SNX30: variants seen among roughly 807,000 people sequenced by gnomAD.
The protein encoded by SNX30 is sorting nexin-30.
Under a neutral mutation model 46.4 loss-of-function variants are expected in SNX30, and 24 were observed. That is an observed-to-expected ratio of 0.52 (90% CI 0.37 to 0.73). SNX30 has a LOEUF of 0.73. SNX30 is among the 30% of genes least tolerant of loss of function. The pLI is 0.00. For synonymous variants in SNX30, 189 were observed against 211.5 expected (o/e 0.89, Z 0.92); for missense variants, 533 against 555.7 (o/e 0.96, Z 0.41).
chr9:112,811,792 G>T (rs1201181398), intron 2 of SNX30, among the ~76,000 whole-genome samples: 1 of 152,160 alleles, frequency 6.6e-6, no homozygotes, highest in Admixed American at 6.6e-5. Context: ...TGTAGTGGTT[G>T]TCTCTGATTA....
chr9:112,751,716 A>G (rs1839280726), intron 1 of SNX30, among the ~76,000 whole-genome samples: 1 of 152,012 alleles, frequency 6.6e-6, no homozygotes, highest in Non-Finnish European at 1.5e-5. Flanking sequence ...GCGGGAGGAG[A>G]GCCTCGTTGT....
intron 3 of SNX30, among the ~76,000 whole-genome samples, chr9:112,821,260 C>T (rs920636625): frequency 3.9e-5 from 6 of 152,020 alleles, no homozygotes; most frequent in African/African-American, 1.5e-4. Context: ...TTTGTATTTC[C>T]CTAATGATGT....
intron 1 of SNX30, among the ~76,000 whole-genome samples, chr9:112,775,515 C>T (rs993142472): frequency 2.1e-5 from 3 of 143,650 alleles, no homozygotes; most frequent in African/African-American, 7.8e-5. Flanking sequence ...TTCTCCCATT[C>T]TGTGGCTTGT....
chr9:112,773,079 G>A (rs1839678070), intron 1 of SNX30, among the ~76,000 whole-genome samples: 1 of 152,326 alleles, frequency 6.6e-6, no homozygotes, highest in East Asian at 1.9e-4. Context: ...ACTGTGTAAA[G>A]AAGTTGAGAA....
intron 3 of SNX30, among the ~76,000 whole-genome samples, chr9:112,818,631 C>T (rs537357414): frequency 2.7e-4 from 41 of 152,298 alleles, no homozygotes; most frequent in African/African-American, 8.2e-4. Flanking sequence ...GGCTTTAGAG[C>T]AGTTTGAGTC....
chr9:112,794,979 T>C (rs533504850), intron 1 of SNX30, among the ~76,000 whole-genome samples: 42 of 152,330 alleles, frequency 2.8e-4, no homozygotes, highest in African/African-American at 8.2e-4. Flanking sequence ...TAATCAACTA[T>C]GTAGTTGTAA....
At chr9:112,776,807 T>C (rs926965262) in intron 1 of SNX30, among the ~76,000 whole-genome samples, 1 of 152,212 alleles carries the variant, frequency 6.6e-6, no homozygotes, top group East Asian at 1.9e-4. Flanking sequence ...GTGTGGCTGA[T>C]AACAGGACAG....
At chr9:112,860,367 G>A (rs554491670) in intron 7 of SNX30, among the ~76,000 whole-genome samples, 13 of 152,214 alleles carry the variant, frequency 8.5e-5, no homozygotes, top group Admixed American at 3.3e-4. Flanking sequence ...ATCTCACCCC[G>A]CTTTGTGGAG....
intron 3 of SNX30, among the ~76,000 whole-genome samples, chr9:112,821,801 A>G (rs1378283338): frequency 7.1e-6 from 1 of 139,874 alleles, no homozygotes; most frequent in Non-Finnish European, 1.5e-5. Context: ...ATATGTATAA[A>G]ATTTTAAGAG....
At chr9:112,831,214 G>T (rs1206742732) in intron 4 of SNX30, among the ~76,000 whole-genome samples, 1 of 151,834 alleles carries the variant, frequency 6.6e-6, no homozygotes, top group Non-Finnish European at 1.5e-5. Context: ...CTGTAACAGG[G>T]TTGTCATAAA....
At chr9:112,837,795 T>C (rs981376423) in intron 5 of SNX30, among the ~76,000 whole-genome samples, 2 of 151,442 alleles carry the variant, frequency 1.3e-5, no homozygotes, top group Admixed American at 1.3e-4. Flanking sequence ...TTTTTTAACC[T>C]TTAAAAACAT....
intron 3 of SNX30, among the ~76,000 whole-genome samples, chr9:112,820,766 G>A (rs1322965487): frequency 6.6e-6 from 1 of 152,148 alleles, no homozygotes; most frequent in Non-Finnish European, 1.5e-5. Flanking sequence ...GACATTTCAT[G>A]TAAGTGAAAT....
At position 112,766,665 on chromosome 9, in the gene SNX30, A is replaced by G. The variant is rs144419547; in HGVS notation, c.156+15508A>G. On this transcript the variant is annotated intron_variant, in intron 1 of 8. Transcript: ENST00000374232. ...GTCACTACCTTTCCACTTTGTTTCT[A>G]TTGTTTTTGAATACTTTAGATTCCT... is the stretch of plus-strand genomic sequence containing the variant. 2.4e-3 allele frequency among the ~76,000 whole-genome samples: 368 copies of G among 152,038 alleles called. 3 individuals are homozygous for G. The highest frequency in any genetic ancestry group is 8.6e-3 in the African/African-American group (356 of 41,462).
rs548966450 is a variant in SNX30, at chr9:112,838,399, T to C, written c.815-99T>C. On this transcript the variant is annotated intron_variant, in intron 5 of 8. Transcript: ENST00000374232. ...GTGAGTGAATGGCCAAAGAAACACA[T>C]GTTCATGTAGAGAGCTCTTGGCTGT... is the stretch of plus-strand genomic sequence containing the variant. 22 of 959,356 alleles carry C rather than the reference T, an allele frequency of 2.3e-5. No individual in the cohort carries two copies. The East Asian group carries it at 2.5e-4, about 11-fold the overall frequency. The allele number at this position is 959,356 out of a possible 1,614,324, so 59.4% of individuals were successfully genotyped here.
chr9:112,836,376 C>G lies in SNX30; in HGVS notation c.781C>G (p.Arg261Gly), dbSNP rs1330023228. The change falls in exon 5 of 9, where the codon CGA becomes GGA. Residue 261 changes from arginine (R) to glycine (G), a missense_variant. Around this residue, in one of 3 missense-constraint regions of SNX30, gnomAD observed 261 missense variants for 270.9 expected, o/e 0.96. Coordinates refer to ENST00000374232, the MANE Select transcript of SNX30 (RefSeq NM_001012994.2). Reference protein sequence around the residue: ...TFALKLGTIDRIAQRIIKEEI... With the variant: ...TFALKLGTIDGIAQRIIKEEI... ...TGCACTCAAACTGGGAACCATTGAT[C>G]GAATAGCCCAGCGGATCATCAAAGA... The G allele has an allele frequency of 6.2e-7, 1 of 1,604,152 alleles. No homozygotes were observed. The highest frequency in any genetic ancestry group is 1.3e-5 in the African/African-American group (1 of 74,796).
intron 1 of SNX30, among the ~76,000 whole-genome samples, chr9:112,782,603 T>C (rs1026331716): frequency 2.0e-5 from 3 of 152,252 alleles, no homozygotes; most frequent in African/African-American, 4.8e-5. Flanking sequence ...ATTTTCTAAA[T>C]AGTTAACCAA....
chr9:112,764,483 C>A (rs1025490996), intron 1 of SNX30, among the ~76,000 whole-genome samples: 7 of 152,094 alleles, frequency 4.6e-5, no homozygotes, highest in South Asian at 2.1e-4. Flanking sequence ...CTTAAGCAAT[C>A]CTCCTACCTC....
chr9:112,837,603 G>A (rs1431408560), intron 5 of SNX30, among the ~76,000 whole-genome samples: 1 of 151,910 alleles, frequency 6.6e-6, no homozygotes, highest in East Asian at 1.9e-4. Flanking sequence ...AGCCTCCTGA[G>A]TAGCTGGGAC....
At chr9:112,858,974 T>C (rs1221691405) in intron 7 of SNX30, among the ~76,000 whole-genome samples, 1 of 152,230 alleles carries the variant, frequency 6.6e-6, no homozygotes, top group Non-Finnish European at 1.5e-5. Context: ...ATCTTAACCA[T>C]TTAAAAGTGT....
Sources: allele counts gnomAD v4.1 joint callset (sites outside exome capture counted in the v4.1 genomes callset), GRCh38; gene constraint gnomAD v4.1.1; regional missense constraint gnomAD v4.1.1; transcripts MANE v1.5; gene names NCBI Gene and HGNC (gene_info 2026-07-23, HGNC 2026-07-21).